The following EYA3 variants were observed in gnomAD, a reference collection of about 807,000 sequenced individuals.
EYA3 encodes the protein EYA transcriptional coactivator and phosphatase 3.
A neutral mutation model predicts 80.0 loss-of-function variants in EYA3; 39 were observed. That is an observed-to-expected ratio of 0.49 (90% CI 0.38 to 0.64). EYA3 has a LOEUF of 0.64. Among genes scored for constraint, EYA3 ranks in the 30% least tolerant of loss-of-function variants. EYA3 has a pLI of 0.00. For synonymous variants in EYA3, 206 were observed against 232.8 expected (o/e 0.88, Z 1.05); for missense variants, 523 against 676.1 (o/e 0.77, Z 2.51).
chr1:28,001,931 T>C (rs1640886162), intron 11 of EYA3, among the ~76,000 whole-genome samples: 1 of 149,610 alleles, frequency 6.7e-6, no homozygotes, highest in South Asian at 2.1e-4. Context: ...ATTTATTTTT[T>C]TGAGACGGAA....
chr1:28,045,928 T>C (rs1643986959), intron 3 of EYA3, among the ~76,000 whole-genome samples: 1 of 152,188 alleles, frequency 6.6e-6, no homozygotes, highest in South Asian at 2.1e-4. Flanking sequence ...GGAGTATTAT[T>C]GAGCCTTAAA....
chr1:28,003,270 A>AAACAACAACAACAACAACAAC (rs139958121), intron 11 of EYA3, among the ~76,000 whole-genome samples: 1 of 145,704 alleles, frequency 6.9e-6, no homozygotes, highest in Non-Finnish European at 1.5e-5. Context: ...ACTCCGTCTC[A>AAACAACAACAACAACAACAAC]AACAACAACA....
intron 1 of EYA3, among the ~76,000 whole-genome samples, chr1:28,059,879 T>C (rs1455567843): frequency 6.6e-6 from 1 of 151,964 alleles, no homozygotes; most frequent in East Asian, 1.9e-4. Context: ...CCACCATGCC[T>C]GGCTAATTTT....
intron 9 of EYA3, among the ~76,000 whole-genome samples, chr1:28,011,341 G>A (rs1259350759): frequency 6.6e-6 from 1 of 152,132 alleles, no homozygotes; most frequent in Non-Finnish European, 1.5e-5. Context: ...AAGTTGTTTT[G>A]CCAAGAAAAA....
intron 16 of EYA3, among the ~76,000 whole-genome samples, chr1:27,982,708 C>G (rs2148710092): frequency 6.6e-6 from 1 of 151,950 alleles, no homozygotes. Flanking sequence ...TTCTCAGGCC[C>G]CCGAGGAGCT....
At chr1:28,024,980 G>A (rs576142115) in intron 7 of EYA3, among the ~76,000 whole-genome samples, 51 of 152,258 alleles carry the variant, frequency 3.3e-4, no homozygotes, top group African/African-American at 1.2e-3. Flanking sequence ...CAGGGAGGAT[G>A]GGCTGCTGTC....
Position 28,035,438 on chromosome 1 carries a change from C to T in EYA3, c.361+106G>A. ...TACTGTTGCAAAGTTGCATACCCAA[C>T]CACATATGTAACTAAGTGCTTTGTA... On this transcript the variant is annotated intron_variant, in intron 6 of 17. Coordinates refer to ENST00000373871, the MANE Select transcript of EYA3 (RefSeq NM_001990.4). The T allele has an allele frequency of 1.3e-5, 16 of 1,267,150 alleles. No homozygotes were observed. In the South Asian group the frequency reaches 2.5e-4, roughly 20 times the overall value. The allele number at this position is 1,267,150 out of a possible 1,614,324, so 78.5% of individuals were successfully genotyped here. A position where few individuals can be genotyped will look rare whatever the true frequency, so the allele number is the denominator to read the frequency against.
chr1:28,020,814 G>A (rs72656595), intron 7 of EYA3, among the ~76,000 whole-genome samples: 3,761 of 152,082 alleles, frequency 0.025, 94 homozygotes, highest in African/African-American at 0.063. Flanking sequence ...TAAAACTCAA[G>A]TGCTGGCTCC....
intron 1 of EYA3, among the ~76,000 whole-genome samples, chr1:28,079,994 A>AT (rs1462815930): frequency 2.6e-5 from 4 of 152,166 alleles, no homozygotes; most frequent in Admixed American, 1.3e-4. Context: ...AGTCACTAAA[A>AT]TTTTGCAAAC....
At chr1:28,015,728 G>A (rs1161186099) in intron 8 of EYA3, among the ~76,000 whole-genome samples, 2 of 152,146 alleles carry the variant, frequency 1.3e-5, no homozygotes, top group African/African-American at 2.4e-5. Flanking sequence ...CATTGGAGAC[G>A]ATAGCAAAAA....
At position 27,974,367 on chromosome 1, in the gene EYA3, CAGAG is replaced by C. The variant is rs1638839097; in HGVS notation, c.*95_*98del. 1.3e-6 allele frequency: 1 copy of C among 794,236 alleles called. No individual in the cohort carries two copies. The highest frequency in any genetic ancestry group is 2.5e-5 in the East Asian group (1 of 39,216). 49.2% of individuals were successfully genotyped at this position (794,236 alleles called of 1,614,324 possible). ...AGAGAGAGAGATAGAGACAGAGACA[CAGAG>C]AGAGACAGACAGAGAAAGTTCTCAG... On this transcript the variant is annotated 3_prime_UTR_variant, in exon 18 of 18. Coordinates refer to ENST00000373871, the MANE Select transcript of EYA3 (RefSeq NM_001990.4).
intron 3 of EYA3, among the ~76,000 whole-genome samples, chr1:28,047,648 TTTTTTTTTGAGACAGAGTCTCGC>T (rs757771891): frequency 0.04 from 6,065 of 150,600 alleles, 139 homozygotes; most frequent in Middle Eastern, 0.055. Flanking sequence ...TCTTTTTTTT[TTTTTTTTTGAGACAGAGTCTCGC>T]TCTGTCGCCC....
chr1:28,009,359 A>T lies in EYA3; in HGVS notation c.909+1588T>A, dbSNP rs1422963760. On this transcript the variant is annotated intron_variant, in intron 10 of 17. Transcript: ENST00000373871. The surrounding 1 kb of genome is among the most constrained non-coding windows in gnomAD (Gnocchi z 4.8). ...GCTACAACATGGATGAACCTTAAAA[A>T]CATTATGGTAGGCAGGGCATGGTGG... Among the ~76,000 whole-genome samples, 1 of 152,130 alleles carries T rather than the reference A, an allele frequency of 6.6e-6. No homozygotes were observed. Among genetic ancestry groups the T allele is most frequent in the Admixed American group, 6.6e-5 (1 of 15,260 alleles).
intron 17 of EYA3, chr1:27,977,110 C>A (rs929767127): frequency 2.8e-5 from 28 of 985,302 alleles, no homozygotes; most frequent in African/African-American, 3.5e-5. Context: ...TACCCTTCTT[C>A]AGACCAGGAA....
chr1:28,017,057 C>G, intron 8 of EYA3, 97 bp downstream of exon 8: 1 of 1,042,182 alleles, frequency 9.6e-7, no homozygotes, highest in Non-Finnish European at 1.5e-6. Flanking sequence ...CCATACTATT[C>G]CTGGTTGTTT....
chr1:28,069,864 A>G (rs1644962821), intron 1 of EYA3, among the ~76,000 whole-genome samples: 1 of 152,236 alleles, frequency 6.6e-6, no homozygotes, highest in African/African-American at 2.4e-5. Context: ...AAATATCCTT[A>G]TAAGAGAAAA....
Position 27,988,629 on chromosome 1 carries a change from A to G in EYA3, c.1446T>C (p.Thr482=), listed in dbSNP as rs1168681581. The part of the protein sequence containing the change: ...SRKNCVNVLI[T]TTQLVPALAK... Reference sequence around the variant, plus strand: ...CCAGGGCTGGAACCAGCTGGGTGGTAGTGATCAGAACATTCACACAATTCT... The same window carrying G: ...CCAGGGCTGGAACCAGCTGGGTGGTGGTGATCAGAACATTCACACAATTCT... The change falls in exon 16 of 18, where the codon ACT becomes ACC. Residue 482 remains threonine (T), a synonymous_variant. Coordinates refer to ENST00000373871, the MANE Select transcript of EYA3 (RefSeq NM_001990.4). 6.2e-7 allele frequency: 1 copy of G among 1,614,024 alleles called. No individual in the cohort carries two copies. Among genetic ancestry groups the G allele is most frequent in the Non-Finnish European group, 8.5e-7 (1 of 1,180,016 alleles).
At chr1:27,976,919 T>C (rs1480032492) in intron 17 of EYA3, 5 of 529,990 alleles carry the variant, frequency 9.4e-6, no homozygotes, top group East Asian at 3.0e-4. Context: ...GATTTCACCA[T>C]GTTGGCCAGG....
rs779665278 is a variant in EYA3, at chr1:27,997,352, A to G, written c.1110T>C (p.Asp370=). Residue 370 remains aspartate (D), a synonymous_variant, in exon 13 of 18, where the codon GAT becomes GAC. Coordinates refer to ENST00000373871, the MANE Select transcript of EYA3 (RefSeq NM_001990.4). ...LEECDQVHVE[D]VASDDNGQDL... ...CTTGGCCATTGTCATCAGAAGCCAC[A>G]TCTTCCACATGTACCTGGTCACACT... 6.2e-7 allele frequency: 1 copy of G among 1,614,194 alleles called. No homozygotes were observed. Among genetic ancestry groups the G allele is most frequent in the Admixed American group, 1.7e-5 (1 of 60,016 alleles).
Sources: gnomAD v4.1 joint callset for allele counts (sites outside exome capture counted in the v4.1 genomes callset) on GRCh38, gnomAD v4.1.1 for gene constraint, Gnocchi (gnomAD v3.1) non-coding constraint, MANE v1.5 for transcripts, NCBI Gene and HGNC (gene_info 2026-07-23, HGNC 2026-07-21) for gene names.